ATXN2: variants seen among roughly 807,000 people sequenced by gnomAD.
The protein encoded by ATXN2 is ataxin-2.
ATXN2 carries 37 observed loss-of-function variants against 138.6 expected under a neutral mutation model. The ratio of observed to expected loss-of-function variants is 0.27; its 90% CI spans 0.21 to 0.35. ATXN2 has a LOEUF of 0.35. Ranked by LOEUF, ATXN2 falls within the 10% of genes least tolerant of loss-of-function variation. The pLI is 1.00. For missense variants in ATXN2, 1,216 were observed against 1,480.3 expected, an observed-to-expected ratio of 0.82 and a Z score of 2.93; for synonymous variants, 549 against 543.7, an observed-to-expected ratio of 1.01 and a Z score of -0.13.
At chr12:111,592,689 A>G (rs1286884467) in intron 1 of ATXN2, among the ~76,000 whole-genome samples, 1 of 147,756 alleles carries the variant, frequency 6.8e-6, no homozygotes, top group Non-Finnish European at 1.5e-5. Context: ...AGGCTGAGGC[A>G]GGAGAATCAC....
At chr12:111,499,380 G>C (rs1878611052) in intron 14 of ATXN2, among the ~76,000 whole-genome samples, 1 of 152,130 alleles carries the variant, frequency 6.6e-6, no homozygotes, top group South Asian at 2.1e-4. Flanking sequence ...ATTAAAAATG[G>C]GCAAAAGATC....
At chr12:111,457,085 C>T in intron 22 of ATXN2, 129 bp downstream of exon 22, 3 of 1,185,730 alleles carry the variant, frequency 2.5e-6, no homozygotes, top group Non-Finnish European at 3.5e-6. Flanking sequence ...CCCAGGGGCA[C>T]AGCTGTATCC....
intron 1 of ATXN2, among the ~76,000 whole-genome samples, chr12:111,581,041 G>C (rs2135829749): frequency 1.3e-5 from 2 of 149,448 alleles, no homozygotes; most frequent in Admixed American, 1.4e-4. Flanking sequence ...GGGAGGCTGA[G>C]ACAGGAATAG....
chr12:111,586,327 T>C (rs1439887223), intron 1 of ATXN2, among the ~76,000 whole-genome samples: 1 of 150,012 alleles, frequency 6.7e-6, no homozygotes, highest in Non-Finnish European at 1.5e-5. Context: ...GTTCAAGCGA[T>C]TCTCCTGCCT....
At chr12:111,462,181 TTAAA>T (rs1329547916) in intron 21 of ATXN2, among the ~76,000 whole-genome samples, 99 of 152,334 alleles carry the variant, frequency 6.5e-4, no homozygotes, top group Middle Eastern at 3.4e-3. Context: ...ATCTTTTAGA[TTAAA>T]GATAATCAAA....
At chr12:111,538,053 G>A (rs1377664711) in intron 5 of ATXN2, among the ~76,000 whole-genome samples, 1 of 151,396 alleles carries the variant, frequency 6.6e-6, no homozygotes, top group African/African-American at 2.4e-5. Context: ...CTACGATGGC[G>A]CCACTGCACT....
chr12:111,507,146 C>G (rs2135724754), intron 14 of ATXN2, among the ~76,000 whole-genome samples: 1 of 150,274 alleles, frequency 6.7e-6, no homozygotes, highest in South Asian at 2.1e-4. Flanking sequence ...TGTGAGGAGC[C>G]CCTCTGCCCG....
At chr12:111,565,509 G>C (rs575750344) in intron 1 of ATXN2, among the ~76,000 whole-genome samples, 1 of 152,102 alleles carries the variant, frequency 6.6e-6, no homozygotes, top group South Asian at 2.1e-4. Context: ...AATTATTATT[G>C]TATCTGTTAT....
chr12:111,595,413 G>A lies in ATXN2; in HGVS notation c.251+3371C>T, dbSNP rs145124104. On this transcript the variant is annotated intron_variant, in intron 1 of 24. Transcript: ENST00000673436. ...TCCCAGCACTTTGGGAGGCCGAGGC[G>A]GGCGCATCACCTGAGGTCGGTAGTA... Among the ~76,000 whole-genome samples the A allele has an allele frequency of 9.3e-5, 14 of 150,388 alleles. No homozygotes were observed. The East Asian group carries it at 1.8e-3, about 19-fold the overall frequency.
chr12:111,565,696 T>C (rs994327661), intron 1 of ATXN2, among the ~76,000 whole-genome samples: 4 of 152,220 alleles, frequency 2.6e-5, no homozygotes, highest in East Asian at 1.9e-4. Context: ...TATAACAATA[T>C]TGAAATTAGG....
rs1416252371 is a variant in ATXN2, at chr12:111,598,539, C to T, written c.251+245G>A. 63 of 983,408 alleles carry T rather than the reference C, an allele frequency of 6.4e-5. No homozygotes were observed. The highest frequency in any genetic ancestry group is 7.0e-5 in the Non-Finnish European group (58 of 829,284). 60.9% of individuals were successfully genotyped at this position (983,408 alleles called of 1,614,324 possible). A position where few individuals can be genotyped will look rare whatever the true frequency, so the allele number is the denominator to read the frequency against. The stretch of plus-strand genomic sequence containing the variant: ...AGGGGAGGCCGCCCGCTCCCTCCAT[C>T]TTGACCGCCGGGGGAGGGGGCGGGG... On this transcript the variant is annotated intron_variant, in intron 1 of 24. Transcript: ENST00000673436. The surrounding 1 kb of genome is among the most constrained non-coding windows in gnomAD (Gnocchi z 4.5).
At chr12:111,599,622 G>C (rs1240456711), upstream of ATXN2, 61 of 1,078,688 alleles carry the variant, frequency 5.7e-5, no homozygotes, top group Non-Finnish European at 6.3e-5. Context: ...GTGGCCCCGG[G>C]GCCGGGAGGG....
At chr12:111,565,065 T>G (rs1882916862) in intron 1 of ATXN2, among the ~76,000 whole-genome samples, 1 of 152,178 alleles carries the variant, frequency 6.6e-6, no homozygotes, top group African/African-American at 2.4e-5. Context: ...ATTAAATTAT[T>G]TTCATGAAGT....
intron 18 of ATXN2, among the ~76,000 whole-genome samples, chr12:111,479,856 A>T (rs61944382): frequency 3.3e-5 from 2 of 61,298 alleles, no homozygotes; most frequent in Non-Finnish European, 5.1e-5. Context: ...TCCATTTATT[A>T]AAAAAAAAAA....
chr12:111,499,267 A>G (rs566474467), intron 14 of ATXN2, among the ~76,000 whole-genome samples: 2 of 152,354 alleles, frequency 1.3e-5, no homozygotes, highest in African/African-American at 2.4e-5. Context: ...GACAGCCCAC[A>G]GAATGGGAGA....
At chr12:111,563,804 T>C (rs991227674) in intron 1 of ATXN2, among the ~76,000 whole-genome samples, 11 of 152,338 alleles carry the variant, frequency 7.2e-5, no homozygotes, top group African/African-American at 2.4e-4. Context: ...TAAATAATAA[T>C]ACTTAATCCT....
At chr12:111,547,730 A>T (rs1489520064) in intron 5 of ATXN2, among the ~76,000 whole-genome samples, 1 of 151,756 alleles carries the variant, frequency 6.6e-6, no homozygotes, top group African/African-American at 2.4e-5. Context: ...CGTCCCAAGG[A>T]AAACAAAAAA....
At chr12:111,459,550 C>G (rs1875397909) in intron 21 of ATXN2, among the ~76,000 whole-genome samples, 1 of 151,762 alleles carries the variant, frequency 6.6e-6, no homozygotes, top group Non-Finnish European at 1.5e-5. Flanking sequence ...AAGCGATTCT[C>G]CTGCCTCAGC....
intron 1 of ATXN2, among the ~76,000 whole-genome samples, chr12:111,571,575 G>A (rs1287352309): frequency 6.6e-6 from 1 of 152,104 alleles, no homozygotes; most frequent in Non-Finnish European, 1.5e-5. Flanking sequence ...AGTGAGGAAG[G>A]AGACCATCTT....
Sources: gnomAD v4.1 joint callset for allele counts (sites outside exome capture counted in the v4.1 genomes callset) on GRCh38, gnomAD v4.1.1 for gene constraint, Gnocchi (gnomAD v3.1) non-coding constraint, MANE v1.5 for transcripts, NCBI Gene and HGNC (gene_info 2026-07-23, HGNC 2026-07-21) for gene names.